The following LINGO2 variants were observed in gnomAD, a reference collection of about 807,000 sequenced individuals.
LINGO2 encodes the protein leucine-rich repeat and immunoglobulin-like domain-containing nogo receptor-interacting protein 2.
A neutral mutation model predicts 30.6 loss-of-function variants in LINGO2; 14 were observed. The observed-to-expected ratio is 0.46, with a 90% CI of 0.30 to 0.72. The LOEUF is 0.72. Ranked by LOEUF, LINGO2 falls within the 30% of genes least tolerant of loss-of-function variation. The pLI, the probability that LINGO2 is intolerant of heterozygous loss-of-function variation, is 0.07. For synonymous variants in LINGO2, 317 were observed against 288.5 expected, an observed-to-expected ratio of 1.10 and a Z score of -1.00; for missense variants, 729 against 751.7, an observed-to-expected ratio of 0.97 and a Z score of 0.35.
the LINGO2 span, among the ~76,000 whole-genome samples, chr9:28,876,591 T>C: frequency 0.089 from 13,486 of 152,144 alleles, 674 homozygotes; most frequent in Middle Eastern, 0.13. Flanking sequence ...CATCATTTTT[T>C]ATGGCTGCAT....
At chr9:28,245,366 G>A (rs1040345304) in intron 4 of LINGO2, among the ~76,000 whole-genome samples, 7 of 152,114 alleles carry the variant, frequency 4.6e-5, no homozygotes, top group Non-Finnish European at 2.9e-5. Flanking sequence ...GGCTAAAGCT[G>A]GAAGCGTTCC....
At chr9:28,499,699 C>A (rs567858785) in intron 1 of LINGO2, among the ~76,000 whole-genome samples, 8 of 152,238 alleles carry the variant, frequency 5.3e-5, no homozygotes, top group Admixed American at 1.3e-4. Context: ...CAGTACATGG[C>A]CATAGTGAAT....
At chr9:28,495,483 C>T (rs10968616) in intron 1 of LINGO2, among the ~76,000 whole-genome samples, 27,609 of 151,878 alleles carry the variant, frequency 0.18, 2,851 homozygotes, top group East Asian at 0.31. Flanking sequence ...AATCCTTTCC[C>T]CATTTCTTGT....
chr9:28,728,076 G>A, the LINGO2 span, among the ~76,000 whole-genome samples: 1,562 of 152,294 alleles, frequency 0.01, 34 homozygotes, highest in Admixed American at 0.037. Context: ...CAGAAGGACA[G>A]CATCTCACTT....
At chr9:28,621,967 T>C (rs927384872) in intron 1 of LINGO2, among the ~76,000 whole-genome samples, 3 of 152,112 alleles carry the variant, frequency 2.0e-5, no homozygotes, top group African/African-American at 7.2e-5. Context: ...ACTTGCTCCA[T>C]GCAAGCGTTA....
chr9:28,539,937 C>A (rs73644064), intron 1 of LINGO2, among the ~76,000 whole-genome samples: 2,566 of 152,106 alleles, frequency 0.017, 68 homozygotes, highest in African/African-American at 0.056. Flanking sequence ...ACAGGCTCCA[C>A]TAGCTGAATA....
chr9:28,820,652 G>A, the LINGO2 span, among the ~76,000 whole-genome samples: 1 of 152,104 alleles, frequency 6.6e-6, no homozygotes, highest in African/African-American at 2.4e-5. Context: ...AATATAAACA[G>A]GAAAATATAA....
At chr9:28,933,638 G>T in the LINGO2 span, among the ~76,000 whole-genome samples, 1 of 152,142 alleles carries the variant, frequency 6.6e-6, no homozygotes, top group East Asian at 1.9e-4. Flanking sequence ...GCCAGGGAAG[G>T]CCATGAAAAG....
At position 28,148,712 on chromosome 9, in the gene LINGO2, C is replaced by T. The variant is rs1827890231; in HGVS notation, c.-86-136307G>A. The T allele has an allele frequency of 6.5e-7, 1 of 1,533,566 alleles. No homozygotes were observed. Among genetic ancestry groups the T allele is most frequent in the African/African-American group, 1.4e-5 (1 of 72,982 alleles). The allele number at this position is 1,533,566 out of a possible 1,614,324, so 95.0% of individuals were successfully genotyped here. ...CAACGGCCATGGAGTCGCCAGTTCA[C>T]ACAGCCCTGCTGGAGGCATCCTTCC... On this transcript the variant is annotated intron_variant, in intron 4 of 5. Transcript: ENST00000379992. This position sits in a 1 kb window ranked among gnomAD's most constrained non-coding sequence, Gnocchi z 5.1.
the LINGO2 span, among the ~76,000 whole-genome samples, chr9:28,794,826 T>C: frequency 1.3e-5 from 2 of 150,836 alleles, no homozygotes; most frequent in Non-Finnish European, 2.9e-5. Flanking sequence ...TTTTCTTTTC[T>C]TTTTTCTTTC....
At chr9:28,881,498 C>CA in the LINGO2 span, among the ~76,000 whole-genome samples, 1 of 151,516 alleles carries the variant, frequency 6.6e-6, no homozygotes, top group East Asian at 1.9e-4. Flanking sequence ...TTTTAATTTT[C>CA]AAAAATACAG....
intron 2 of LINGO2, among the ~76,000 whole-genome samples, chr9:28,375,100 A>T (rs1821069921): frequency 4.4e-5 from 2 of 45,392 alleles, no homozygotes. Flanking sequence ...ACACACACAC[A>T]CACACACACA....
chr9:28,171,204 C>A (rs1336966479), intron 4 of LINGO2, among the ~76,000 whole-genome samples: 1 of 152,074 alleles, frequency 6.6e-6, no homozygotes, highest in Non-Finnish European at 1.5e-5. Context: ...CCGACTGCAA[C>A]ATGAAATTGG....
chr9:28,517,515 A>G (rs575632525), intron 1 of LINGO2, among the ~76,000 whole-genome samples: 17 of 152,332 alleles, frequency 1.1e-4, no homozygotes, highest in Admixed American at 2.0e-4. Flanking sequence ...AAAAACCCAG[A>G]AAGTAGTGCT....
intron 4 of LINGO2, among the ~76,000 whole-genome samples, chr9:28,107,514 C>T (rs2133343440): frequency 6.6e-6 from 1 of 152,210 alleles, no homozygotes; most frequent in East Asian, 1.9e-4. Context: ...AAATCTATGA[C>T]TCTCTCTACT....
At chr9:29,067,005 G>A in the LINGO2 span, among the ~76,000 whole-genome samples, 1 of 151,764 alleles carries the variant, frequency 6.6e-6, no homozygotes, top group African/African-American at 2.4e-5. Flanking sequence ...TGGAATAAGG[G>A]TAACTATATT....
At chr9:28,594,482 C>A (rs1825076748) in intron 1 of LINGO2, among the ~76,000 whole-genome samples, 2 of 152,078 alleles carry the variant, frequency 1.3e-5, no homozygotes, top group Admixed American at 6.6e-5. Flanking sequence ...TAAATCTGCA[C>A]TAAGGGGATG....
At chr9:28,239,987 A>G (rs1821724119) in intron 4 of LINGO2, among the ~76,000 whole-genome samples, 1 of 152,202 alleles carries the variant, frequency 6.6e-6, no homozygotes, top group African/African-American at 2.4e-5. Flanking sequence ...CTGTATGCCA[A>G]TAGTAAACAA....
At chr9:28,937,524 C>T in the LINGO2 span, among the ~76,000 whole-genome samples, 1 of 152,268 alleles carries the variant, frequency 6.6e-6, no homozygotes, top group African/African-American at 2.4e-5. Flanking sequence ...TTCTCTTTGG[C>T]TTGATGCTCT....
Sources: gnomAD v4.1 joint callset for allele counts (sites outside exome capture counted in the v4.1 genomes callset) on GRCh38, gnomAD v4.1.1 for gene constraint, Gnocchi (gnomAD v3.1) non-coding constraint, MANE v1.5 for transcripts, NCBI Gene and HGNC (gene_info 2026-07-23, HGNC 2026-07-21) for gene names.